Variants in ATP2B3 observed in about 807,000 individuals in gnomAD.
ATP2B3 encodes ATPase plasma membrane Ca2+ transporting 3.
In ATP2B3, 12 loss-of-function variants were observed where a neutral mutation model predicts 70.8. The ratio of observed to expected loss-of-function variants is 0.17; its 90% CI spans 0.11 to 0.27. The LOEUF (loss-of-function observed/expected upper bound fraction) is 0.27. ATP2B3 is among the 10% of genes least tolerant of loss of function. ATP2B3 has a pLI of 1.00. For synonymous variants in ATP2B3, 460 were observed against 497.8 expected, an observed-to-expected ratio of 0.92 and a Z score of 1.01; for missense variants, 858 against 1,118.5, an observed-to-expected ratio of 0.77 and a Z score of 3.32.
chrX:153,548,880 C>A (rs1557010033), intron 10 of ATP2B3, 26 bp downstream of exon 10: 1 of 1,187,608 alleles, frequency 8.4e-7, no homozygotes, highest in Non-Finnish European at 1.1e-6. Flanking sequence ...ACAGTTGATA[C>A]TGTTTACAGA....
intron 2 of ATP2B3, among the ~76,000 whole-genome samples, chrX:153,529,109 T>G (rs2090076044): frequency 1.8e-5 from 2 of 112,698 alleles, no homozygotes; most frequent in Admixed American, 9.3e-5. Context: ...GAGGCCAGGC[T>G]TTCCCCAGGT....
intron 16 of ATP2B3, among the ~76,000 whole-genome samples, chrX:153,557,883 C>CG (rs72508099): frequency 0.03 from 1,374 of 45,150 alleles, 24 homozygotes; most frequent in African/African-American, 0.058. Flanking sequence ...ATGAGCAAAG[C>CG]CCCCCCCCCC....
At chrX:153,564,545 GC>G (rs1388902583) in intron 20 of ATP2B3, among the ~76,000 whole-genome samples, 4 of 113,079 alleles carry the variant, frequency 3.5e-5, no homozygotes, top group African/African-American at 1.3e-4. Flanking sequence ...CACTCCCTGG[GC>G]CCTTTGGCTG....
In ATP2B3 at chrX:153,559,920, C is replaced by T. The variant is rs1364092023; in HGVS notation, c.2817C>T (p.Ile939=). 8.3e-7 allele frequency: 1 copy of T among 1,209,358 alleles called. No individual in the cohort carries two copies. The highest frequency in any genetic ancestry group is 1.1e-6 in the Non-Finnish European group (1 of 894,370). Residue 939 remains isoleucine (I), a synonymous_variant, in exon 18 of 22, where the codon ATC becomes ATT. Coordinates refer to ENST00000263519, the MANE Select transcript of ATP2B3 (RefSeq NM_001001344.3). ...GCCACGCCGTGTACCAGCTCGCCAT[C>T]ATCTTCACCCTGCTGTTTGTCGGTA... The part of the protein sequence containing the change: ...ILGHAVYQLA[I]IFTLLFVGEL...
Position 153,536,384 on chromosome X carries a change from T to C in ATP2B3, c.137T>C (p.Leu46Pro). Residue 46 changes from leucine to proline, a missense_variant, in exon 3 of 22, where the codon CTG (leucine) becomes CCG (proline). By Grantham distance (98) the Leu-to-Pro change is moderately conservative (BLOSUM62 -3). Coordinates refer to ENST00000263519, the MANE Select transcript of ATP2B3 (RefSeq NM_001001344.3). The part of the protein sequence containing the change: ...TLMELRGAEA[L>P]QKIEEAYGDV... ...ATGGAGCTGCGAGGGGCCGAGGCGC[T>C]GCAGAAGATCGAGGAGGCCTACGGG... 2 of 1,205,497 alleles carry C rather than the reference T, an allele frequency of 1.7e-6. No homozygotes were observed. Among genetic ancestry groups the C allele is most frequent in the Non-Finnish European group, 2.2e-6 (2 of 893,017 alleles).
At chrX:153,537,620 C>T (rs1024574897) in intron 3 of ATP2B3, among the ~76,000 whole-genome samples, 1 of 112,754 alleles carries the variant, frequency 8.9e-6, no homozygotes, top group South Asian at 3.6e-4. Context: ...CTGATGCGCC[C>T]GTGACACCCG....
intron 11 of ATP2B3, 77 bp downstream of exon 11, chrX:153,549,816 C>A: frequency 1.8e-6 from 2 of 1,133,050 alleles, no homozygotes; most frequent in Non-Finnish European, 2.4e-6. Context: ...GCCAGGTGAG[C>A]TGTTGCAAGG....
Position 153,580,248 on chromosome X carries a change from T to C in ATP2B3, c.3613T>C (p.Phe1205Leu). The C allele has an allele frequency of 8.3e-7, 1 of 1,206,955 alleles. No homozygotes were observed. Among genetic ancestry groups the C allele is most frequent in the Non-Finnish European group, 1.1e-6 (1 of 893,873 alleles). The change falls in exon 22 of 22, where the codon TTT becomes CTT. Residue 1205 changes from phenylalanine to leucine, a missense_variant. This residue lies in a region of ATP2B3 where 265 missense variants were observed against 305.3 expected (regional missense o/e 0.87). Coordinates refer to ENST00000263519, the MANE Select transcript of ATP2B3 (RefSeq NM_001001344.3). ...CACCAAGTCAGCTACCTCTTCAGTGTTTTCCTCCAGTCCCGGGAGCCCGCT... is the reference window on the plus strand; with the variant it reads ...CACCAAGTCAGCTACCTCTTCAGTGCTTTCCTCCAGTCCCGGGAGCCCGCT... ...HVTKSATSSV[F>L]SSSPGSPLHS...
At chrX:153,527,154 G>A (rs1480988461) in intron 2 of ATP2B3, among the ~76,000 whole-genome samples, 2 of 112,833 alleles carry the variant, frequency 1.8e-5, no homozygotes, top group African/African-American at 6.4e-5. Flanking sequence ...TTGGAAGCGG[G>A]CTGGGACGGG....
chrX:153,546,778 C>T (rs933258635), intron 8 of ATP2B3, among the ~76,000 whole-genome samples: 8 of 113,173 alleles, frequency 7.1e-5, no homozygotes, highest in Non-Finnish European at 1.5e-4. Context: ...GGTCCTGACC[C>T]TCAGGAAGGT....
intron 12 of ATP2B3, 66 bp downstream of exon 12, chrX:153,550,352 G>A (rs1395353675): frequency 3.5e-5 from 42 of 1,188,592 alleles, no homozygotes; most frequent in Non-Finnish European, 4.4e-5. Flanking sequence ...CGTGGTAAAA[G>A]AGGCCGAACG....
At chrX:153,559,293 G>A (rs925808736) in intron 17 of ATP2B3, 10 of 146,835 alleles carry the variant, frequency 6.8e-5, no homozygotes, top group Non-Finnish European at 1.3e-4. Context: ...CAGACAGTAC[G>A]TGGCCTTGTG....
intron 2 of ATP2B3, among the ~76,000 whole-genome samples, chrX:153,520,617 C>T (rs2089945975): frequency 8.9e-6 from 1 of 112,792 alleles, no homozygotes; most frequent in Non-Finnish European, 1.9e-5. Context: ...CAAATGATTG[C>T]AAGTGCTGTT....
At chrX:153,545,379 C>G (rs1225082808) in intron 7 of ATP2B3, among the ~76,000 whole-genome samples, 2 of 113,127 alleles carry the variant, frequency 1.8e-5, no homozygotes, top group Admixed American at 9.2e-5. Flanking sequence ...CCCTTTAAAA[C>G]ACACACTGGG....
chrX:153,577,722 G>A (rs1485380593), intron 21 of ATP2B3, among the ~76,000 whole-genome samples: 5 of 112,249 alleles, frequency 4.5e-5, no homozygotes, highest in South Asian at 3.7e-4. Context: ...GAGAAAATCC[G>A]AACCAGATTT....
intron 21 of ATP2B3, among the ~76,000 whole-genome samples, chrX:153,576,742 G>C (rs781850382): frequency 2.7e-5 from 3 of 111,650 alleles, no homozygotes; most frequent in African/African-American, 6.5e-5. Flanking sequence ...GGCGGTGCAG[G>C]AGCCTGAGAT....
At chrX:153,531,300 G>A (rs12010336) in intron 2 of ATP2B3, among the ~76,000 whole-genome samples, 44 of 113,357 alleles carry the variant, frequency 3.9e-4, no homozygotes, top group African/African-American at 1.2e-3. Context: ...GGCCCACCCC[G>A]GGCCTGACCT....
At chrX:153,536,548 G>A in intron 3 of ATP2B3, 93 bp downstream of exon 3, 1 of 982,772 alleles carries the variant, frequency 1.0e-6, no homozygotes, top group Non-Finnish European at 1.4e-6. Flanking sequence ...GCTGGCCAGG[G>A]TCAAGGGCCA....
chrX:153,560,836 C>G lies in ATP2B3; in HGVS notation c.3000C>G (p.Ile1000Met), dbSNP rs782732063. ...IHGERNVFDG[I>M]FSNPIFCTIV... ...GCGAGAGGAACGTGTTCGACGGCAT[C>G]TTCAGCAACCCCATCTTCTGCACCA... The change falls in exon 19 of 22, where the codon ATC becomes ATG. Residue 1000 changes from isoleucine (I) to methionine (M), a missense_variant. By Grantham distance (10) the Ile-to-Met change is conservative. Around this residue, in one of 5 missense-constraint regions of ATP2B3, gnomAD observed 265 missense variants for 305.3 expected, o/e 0.87. Transcript: ENST00000263519. 4 of 1,212,236 alleles carry G rather than the reference C, an allele frequency of 3.3e-6. No homozygotes were observed. The highest frequency in any genetic ancestry group is 4.5e-6 in the Non-Finnish European group (4 of 895,629).
Sources: gnomAD v4.1 joint callset for allele counts (sites outside exome capture counted in the v4.1 genomes callset) on GRCh38, gnomAD v4.1.1 for gene constraint, gnomAD v4.1.1 regional missense constraint, MANE v1.5 for transcripts, NCBI Gene and HGNC (gene_info 2026-07-23, HGNC 2026-07-21) for gene names.